The following SVOP variants were observed in gnomAD, a reference collection of about 807,000 sequenced individuals.
SVOP encodes synaptic vesicle 2-related protein.
Under a neutral mutation model 69.1 loss-of-function variants are expected in SVOP, and 17 were observed. The observed-to-expected ratio is 0.25, with a 90% confidence interval of 0.17 to 0.37. The LOEUF is 0.37. Ranked by LOEUF, SVOP falls within the 10% of genes least tolerant of loss-of-function variation. The pLI is 1.00. For synonymous variants in SVOP, 238 were observed against 238.6 expected (o/e 1.00, Z 0.02); for missense variants, 435 against 597.5 (o/e 0.73, Z 2.84).
At chr12:108,927,301 A>G (rs2039786342) in intron 11 of SVOP, among the ~76,000 whole-genome samples, 1 of 152,196 alleles carries the variant, frequency 6.6e-6, no homozygotes, top group South Asian at 2.1e-4. Flanking sequence ...TCAGCTTGCA[A>G]ATAGGTCACA....
At chr12:108,968,635 C>T (rs1358523658) in intron 5 of SVOP, among the ~76,000 whole-genome samples, 3 of 152,008 alleles carry the variant, frequency 2.0e-5, no homozygotes, top group African/African-American at 2.4e-5. Context: ...CTGTTATATT[C>T]CTCACTGCCT....
rs750436578 is a variant in SVOP, at chr12:109,020,848, C to A, written c.21G>T (p.Gln7His). The change falls in exon 1 of 16, where the codon CAG (glutamine) becomes CAT (histidine). Residue 7 changes from glutamine to histidine, a missense_variant. By Grantham distance (24) the Gln-to-His change is conservative. Transcript: ENST00000610966. ...ATGATACTCACGGCAGCTGCCTTAG[C>A]TGGAATAAGTCCTCCTCCATGTCCG... MEEDLF[Q>H]LRQLPVVKFR... The A allele has an allele frequency of 1.4e-6, 1 of 700,814 alleles. No homozygotes were observed. The highest frequency in any genetic ancestry group is 1.5e-5 in the South Asian group (1 of 67,272). The allele number at this position is 700,814 out of a possible 1,614,324, so 43.4% of individuals were successfully genotyped here.
chr12:108,912,060 G>T lies in SVOP; in HGVS notation c.*475C>A. 1 of 614,018 alleles carries T rather than the reference G, an allele frequency of 1.6e-6. No homozygotes were observed. The highest frequency in any genetic ancestry group is 2.1e-6 in the Non-Finnish European group (1 of 486,812). 38.0% of individuals were successfully genotyped at this position (614,018 alleles called of 1,614,324 possible). A position where few individuals can be genotyped will look rare whatever the true frequency, so the allele number is the denominator to read the frequency against. On this transcript the variant is annotated 3_prime_UTR_variant, in exon 16 of 16. Transcript: ENST00000610966. ...GAAATAGCTGCTCAGACCACACCTAGATCGCCTGCAATTTCAAAGAAGAAA... is the reference window on the plus strand; with the variant it reads ...GAAATAGCTGCTCAGACCACACCTATATCGCCTGCAATTTCAAAGAAGAAA...
chr12:108,932,210 T>A (rs959864682), intron 11 of SVOP, among the ~76,000 whole-genome samples: 2 of 151,536 alleles, frequency 1.3e-5, no homozygotes, highest in South Asian at 4.2e-4. Flanking sequence ...AGAGACAGGG[T>A]CTTGCCATGT....
chr12:108,949,421 C>T (rs537668967), intron 6 of SVOP, among the ~76,000 whole-genome samples: 2 of 152,228 alleles, frequency 1.3e-5, no homozygotes, highest in South Asian at 2.1e-4. Flanking sequence ...GTGCATGCCA[C>T]AATGCCCAGC....
intron 1 of SVOP, among the ~76,000 whole-genome samples, chr12:109,015,197 C>G (rs2040361517): frequency 6.6e-6 from 1 of 151,994 alleles, no homozygotes; most frequent in Non-Finnish European, 1.5e-5. Context: ...GAGGCAGGAG[C>G]CTGGCTGGCA....
At chr12:108,971,377 C>G (rs559328311) in intron 5 of SVOP, among the ~76,000 whole-genome samples, 11 of 146,568 alleles carry the variant, frequency 7.5e-5, no homozygotes, top group Non-Finnish European at 1.5e-4. Flanking sequence ...TGCAGTGAGC[C>G]AAGATCGTGC....
chr12:108,925,374 G>A (rs940713699), intron 11 of SVOP, among the ~76,000 whole-genome samples: 4 of 152,156 alleles, frequency 2.6e-5, no homozygotes, highest in Non-Finnish European at 4.4e-5. Flanking sequence ...CTGAGCCATC[G>A]TCAACCATCC....
chr12:109,017,852 T>G (rs1593212496), intron 1 of SVOP, among the ~76,000 whole-genome samples: 1 of 152,118 alleles, frequency 6.6e-6, no homozygotes, highest in East Asian at 1.9e-4. Flanking sequence ...CCACATATTT[T>G]CTATTGTATA....
intron 5 of SVOP, among the ~76,000 whole-genome samples, chr12:108,966,821 A>G (rs1408256367): frequency 6.6e-6 from 1 of 152,162 alleles, no homozygotes; most frequent in Non-Finnish European, 1.5e-5. Context: ...ATTCTGAGGG[A>G]TAATTCAGTT....
intron 1 of SVOP, among the ~76,000 whole-genome samples, chr12:109,015,727 A>G (rs1211349117): frequency 6.6e-6 from 1 of 152,136 alleles, no homozygotes; most frequent in Non-Finnish European, 1.5e-5. Flanking sequence ...TGGGAGGCAG[A>G]GGTTGCGGTG....
At chr12:108,996,923 C>T (rs1230268906) in intron 1 of SVOP, among the ~76,000 whole-genome samples, 1 of 152,152 alleles carries the variant, frequency 6.6e-6, no homozygotes, top group Non-Finnish European at 1.5e-5. Flanking sequence ...CAGAACAAGA[C>T]CCTGTCTCAA....
At chr12:108,921,341 G>A (rs771777762) in intron 12 of SVOP, among the ~76,000 whole-genome samples, 6 of 152,162 alleles carry the variant, frequency 3.9e-5, no homozygotes, top group South Asian at 2.1e-4. Flanking sequence ...CCTGCTGTGG[G>A]GTACTCAGTA....
intron 1 of SVOP, among the ~76,000 whole-genome samples, chr12:108,985,825 G>A (rs903501306): frequency 2.6e-5 from 4 of 152,196 alleles, no homozygotes; most frequent in Admixed American, 6.5e-5. Context: ...TATTATTAAC[G>A]ATTGCATCAT....
At chr12:109,007,306 T>A (rs1025282950) in intron 1 of SVOP, among the ~76,000 whole-genome samples, 1 of 150,966 alleles carries the variant, frequency 6.6e-6, no homozygotes, top group African/African-American at 2.4e-5. Context: ...GTCACTAACA[T>A]ATGGACTTGC....
intron 14 of SVOP, among the ~76,000 whole-genome samples, chr12:108,916,868 C>T (rs934650747): frequency 6.6e-6 from 1 of 152,142 alleles, no homozygotes; most frequent in Admixed American, 6.5e-5. Context: ...CTCAGCCCCA[C>T]CCCGAGTAGC....
At chr12:109,018,814 T>C (rs373037445) in intron 1 of SVOP, among the ~76,000 whole-genome samples, 43 of 152,352 alleles carry the variant, frequency 2.8e-4, no homozygotes, top group African/African-American at 1.0e-3. Context: ...GATGTAATAA[T>C]AGTAATAGCT....
chr12:108,923,517 C>T (rs900335251), intron 11 of SVOP, among the ~76,000 whole-genome samples: 2 of 152,080 alleles, frequency 1.3e-5, no homozygotes, highest in Non-Finnish European at 2.9e-5. Context: ...CAGATGAGAA[C>T]ACAGACCTCC....
intron 1 of SVOP, among the ~76,000 whole-genome samples, chr12:109,014,880 G>A (rs2040359740): frequency 6.6e-6 from 1 of 151,944 alleles, no homozygotes; most frequent in South Asian, 2.1e-4. Flanking sequence ...CACCACCATG[G>A]CTGGCTAGTT....
Sources: gnomAD v4.1 joint callset for allele counts (sites outside exome capture counted in the v4.1 genomes callset) on GRCh38, gnomAD v4.1.1 for gene constraint, MANE v1.5 for transcripts, NCBI Gene and HGNC (gene_info 2026-07-23, HGNC 2026-07-21) for gene names.